Variants in ANO2 observed in about 807,000 individuals in gnomAD.
ANO2 encodes anoctamin-2.
A neutral mutation model predicts 124.2 loss-of-function variants in ANO2; 101 were observed. The ratio of observed to expected loss-of-function variants is 0.81; its 90% CI spans 0.69 to 0.96. The LOEUF (loss-of-function observed/expected upper bound fraction) is 0.96. Among genes scored for constraint, ANO2 ranks in the 40% least tolerant of loss-of-function variants. The pLI, the probability that ANO2 is intolerant of heterozygous loss-of-function variation, is 0.00. For synonymous variants in ANO2, 486 were observed against 482.5 expected (o/e 1.01, Z -0.09); for missense variants, 1,293 against 1,274.5 (o/e 1.01, Z -0.22).
At chr12:5,804,776 C>T (rs2137170287) in intron 9 of ANO2, among the ~76,000 whole-genome samples, 1 of 152,192 alleles carries the variant, frequency 6.6e-6, no homozygotes, top group Non-Finnish European at 1.5e-5. Flanking sequence ...TTACTTCTTC[C>T]ATTAGTGCAG....
At position 5,769,750 on chromosome 12, in the gene ANO2, C is replaced by A. The variant is rs1365791144; in HGVS notation, c.1056-18780G>T. On this transcript the variant is annotated intron_variant, in intron 10 of 24. Transcript: ENST00000682330. The surrounding 1 kb of genome is among the most constrained non-coding windows in gnomAD (Gnocchi z 4.0). ...TGCACCCTTCATTCTAGGTACTCTGCTGAATGTTTTGCACGCATGATCCCT... is the reference window on the plus strand; with the variant it reads ...TGCACCCTTCATTCTAGGTACTCTGATGAATGTTTTGCACGCATGATCCCT... Among the ~76,000 whole-genome samples the A allele has an allele frequency of 1.3e-5, 2 of 152,142 alleles. No homozygotes were observed. The highest frequency in any genetic ancestry group is 2.9e-5 in the Non-Finnish European group (2 of 68,024).
chr12:5,922,143 T>A (rs1591795689), intron 2 of ANO2, among the ~76,000 whole-genome samples: 1 of 149,374 alleles, frequency 6.7e-6, no homozygotes, highest in African/African-American at 2.5e-5. Flanking sequence ...GGTGGGGAGG[T>A]GGAAAGAAGA....
intron 3 of ANO2, among the ~76,000 whole-genome samples, chr12:5,875,751 T>C (rs1458827209): frequency 1.3e-5 from 2 of 151,956 alleles, no homozygotes; most frequent in African/African-American, 4.8e-5. Flanking sequence ...GGCTATGAAT[T>C]GTTCAAAATC....
intron 20 of ANO2, among the ~76,000 whole-genome samples, chr12:5,581,911 A>G (rs1942777012): frequency 6.6e-6 from 1 of 152,226 alleles, no homozygotes; most frequent in South Asian, 2.1e-4. Flanking sequence ...GATTCAACCC[A>G]AAGAGGCAGA....
chr12:5,854,935 C>CTTT lies in ANO2; in HGVS notation c.535-797_535-795dup, dbSNP rs10650160. On this transcript the variant is annotated intron_variant, in intron 3 of 24. Coordinates refer to ENST00000682330, the MANE Select transcript of ANO2 (RefSeq NM_001364791.2). Reference sequence around the variant, plus strand: ...CACCTCATCTTCAAATAAACATTCACTTTTTTTTTTTTTTCAAAACAAGCA... The same window carrying CTTT: ...CACCTCATCTTCAAATAAACATTCACTTTTTTTTTTTTTTTTTCAAAACAAGCA... Among the ~76,000 whole-genome samples, 938 of 146,242 alleles carry CTTT rather than the reference C, an allele frequency of 6.4e-3. 10 individuals carry two copies. Among genetic ancestry groups the CTTT allele is most frequent in the African/African-American group, 0.019 (750 of 39,784 alleles).
chr12:5,661,290 C>A (rs12322819), intron 14 of ANO2, among the ~76,000 whole-genome samples: 2,675 of 152,282 alleles, frequency 0.018, 57 homozygotes, highest in African/African-American at 0.059. Flanking sequence ...TATGTTCTAG[C>A]CCACAGACTG....
chr12:5,936,851 T>C (rs1417827151), intron 1 of ANO2, among the ~76,000 whole-genome samples: 1 of 152,236 alleles, frequency 6.6e-6, no homozygotes, highest in Non-Finnish European at 1.5e-5. Flanking sequence ...TACATGACTC[T>C]CTAGTTGAAT....
rs149910286 is a variant in ANO2, at chr12:5,746,218, G to A, written c.1191-1901C>T. The stretch of plus-strand genomic sequence containing the variant: ...ATGAAAAACGTATTAGCAGCCAAGC[G>A]GGTGCAAAGCACTTTGAAACCTAAG... On this transcript the variant is annotated intron_variant, in intron 11 of 24. Coordinates refer to ENST00000682330, the MANE Select transcript of ANO2 (RefSeq NM_001364791.2). Among the ~76,000 whole-genome samples the A allele has an allele frequency of 4.2e-3, 637 of 152,284 alleles. 3 individuals are homozygous for A. Among genetic ancestry groups the A allele is most frequent in the African/African-American group, 0.015 (620 of 41,560 alleles).
chr12:5,638,192 G>C (rs1946120868), intron 15 of ANO2, among the ~76,000 whole-genome samples: 1 of 150,062 alleles, frequency 6.7e-6, no homozygotes, highest in Non-Finnish European at 1.5e-5. Context: ...GTGCCTTCTA[G>C]ATGTCTTTAT....
chr12:5,721,002 G>A (rs973407418), intron 14 of ANO2, among the ~76,000 whole-genome samples: 4 of 152,290 alleles, frequency 2.6e-5, no homozygotes, highest in Admixed American at 6.5e-5. Flanking sequence ...CACAGGCTCC[G>A]TGCAGGGAGA....
intron 14 of ANO2, among the ~76,000 whole-genome samples, chr12:5,729,350 G>T (rs1249358748): frequency 6.6e-6 from 1 of 152,000 alleles, no homozygotes; most frequent in Non-Finnish European, 1.5e-5. Flanking sequence ...AAGAGGCAAA[G>T]GATTTGAATA....
rs563684243 is a variant in ANO2 at position 5,925,449 on chromosome 12, G to A, written c.23-2645C>T. Among the ~76,000 whole-genome samples the A allele has an allele frequency of 5.3e-5, 8 of 152,186 alleles. No individual in the cohort carries two copies. The highest frequency in any genetic ancestry group is 1.9e-4 in the East Asian group (1 of 5,156). On this transcript the variant is annotated intron_variant, in intron 1 of 24. Transcript: ENST00000682330. This position sits in a 1 kb window ranked among gnomAD's most constrained non-coding sequence, Gnocchi z 4.6. ...CACAAGTGATTAGAGCACAGCACAC[G>A]GTTCAGCCATCCCAGCCGTCCCAGC... is the stretch of plus-strand genomic sequence containing the variant.
intron 5 of ANO2, 101 bp from the exon 6 acceptor site, chr12:5,830,590 G>T: frequency 9.5e-7 from 1 of 1,055,442 alleles, no homozygotes; most frequent in Non-Finnish European, 1.4e-6. Flanking sequence ...AAGCAACATA[G>T]CAAGACTTAT....
chr12:5,882,979 A>G (rs1249750129), intron 3 of ANO2, among the ~76,000 whole-genome samples: 1 of 152,186 alleles, frequency 6.6e-6, no homozygotes, highest in Admixed American at 6.5e-5. Flanking sequence ...CGGCTGCTGC[A>G]TGAGCAGAGA....
chr12:5,916,257 A>G (rs1276948016), intron 3 of ANO2, among the ~76,000 whole-genome samples: 1 of 152,194 alleles, frequency 6.6e-6, no homozygotes, highest in African/African-American at 2.4e-5. Flanking sequence ...AGCCTGGGTG[A>G]CAGAGTGAGG....
intron 3 of ANO2, among the ~76,000 whole-genome samples, chr12:5,860,924 T>C (rs919326257): frequency 6.6e-6 from 1 of 152,216 alleles, no homozygotes; most frequent in African/African-American, 2.4e-5. Context: ...AGGAATACTC[T>C]GGAAAATAGA....
chr12:5,704,602 G>A (rs1377773693), intron 14 of ANO2, among the ~76,000 whole-genome samples: 1 of 152,094 alleles, frequency 6.6e-6, no homozygotes, highest in African/African-American at 2.4e-5. Context: ...CAAAGAATCT[G>A]AAATCTGTCT....
intron 19 of ANO2, among the ~76,000 whole-genome samples, chr12:5,609,479 C>A (rs1015046346): frequency 2.6e-5 from 4 of 152,162 alleles, no homozygotes; most frequent in Admixed American, 6.5e-5. Context: ...TGAAGCAGGG[C>A]TCTCATTAAA....
chr12:5,902,434 T>G (rs1940283951), intron 3 of ANO2, among the ~76,000 whole-genome samples: 1 of 149,562 alleles, frequency 6.7e-6, no homozygotes, highest in Non-Finnish European at 1.5e-5. Context: ...AAAGAAAAAT[T>G]TAAAAATTAG....
Sources: allele counts gnomAD v4.1 joint callset (sites outside exome capture counted in the v4.1 genomes callset), GRCh38; gene constraint gnomAD v4.1.1; non-coding constraint Gnocchi (gnomAD v3.1); transcripts MANE v1.5; gene names NCBI Gene and HGNC (gene_info 2026-07-23, HGNC 2026-07-21).